Variants in C4BPA observed in about 807,000 individuals in gnomAD.
C4BPA encodes the protein C4b-binding protein alpha chain.
C4BPA carries 31 observed loss-of-function variants against 63.7 expected under a neutral mutation model. The observed-to-expected ratio is 0.49, with a 90% confidence interval of 0.37 to 0.66. The LOEUF is 0.66. C4BPA is among the 30% of genes least tolerant of loss of function. The pLI is 0.00. For synonymous variants in C4BPA, 259 were observed against 254.7 expected (o/e 1.02, Z -0.16); for missense variants, 572 against 723.3 (o/e 0.79, Z 2.40).
At chr1:207,123,353 T>C (rs1028857968) in intron 4 of C4BPA, among the ~76,000 whole-genome samples, 12 of 152,250 alleles carry the variant, frequency 7.9e-5, no homozygotes, top group African/African-American at 2.7e-4. Context: ...TACAATTTGA[T>C]ATCATTGATG....
Position 207,113,326 on chromosome 1 carries a change from T to A in C4BPA, c.142+159T>A, listed in dbSNP as rs74633105. On this transcript the variant is annotated intron_variant, in intron 2 of 11. Transcript: ENST00000367070. Reference sequence around the variant, plus strand: ...CAGGCTAGAACTTAGGGAAATTTGCTTTACACATAAAGGAAATAGTGTTAT... The same window carrying A: ...CAGGCTAGAACTTAGGGAAATTTGCATTACACATAAAGGAAATAGTGTTAT... 8.8e-3 allele frequency among the ~76,000 whole-genome samples: 1,339 copies of A among 152,334 alleles called. 8 individuals are homozygous for A. Among genetic ancestry groups the A allele is most frequent in the African/African-American group, 0.023 (962 of 41,570 alleles).
intron 1 of C4BPA, 55 bp from the exon 2 acceptor site, chr1:207,112,946 C>CT: frequency 6.8e-7 from 1 of 1,463,292 alleles, no homozygotes; most frequent in Non-Finnish European, 9.1e-7. Flanking sequence ...TATTCTAGTG[C>CT]TTTATGACAA....
rs1012607185 is a variant in C4BPA, at chr1:207,114,293, T to C, written c.328+8T>C. The C allele has an allele frequency of 1.9e-6, 3 of 1,583,152 alleles. No homozygotes were observed. Among genetic ancestry groups the C allele is most frequent in the African/African-American group, 2.7e-5 (2 of 73,358 alleles). On this transcript the variant is annotated splice_region_variant and intron_variant, in intron 3 of 11. Transcript: ENST00000367070. ...ATAACACCTTCTGTATCTGTAAGTATCAACATTTATTTTTTTCCTTTGCTT... is the reference window on the plus strand; with the variant it reads ...ATAACACCTTCTGTATCTGTAAGTACCAACATTTATTTTTTTCCTTTGCTT...
chr1:207,107,286 G>A (rs562619181), intron 1 of C4BPA, among the ~76,000 whole-genome samples: 6 of 152,280 alleles, frequency 3.9e-5, no homozygotes, highest in Non-Finnish European at 5.9e-5. Context: ...GGTGGCTCAC[G>A]CCTATAATTC....
At chr1:207,104,973 C>A (rs948513419) in intron 1 of C4BPA, among the ~76,000 whole-genome samples, 1 of 152,334 alleles carries the variant, frequency 6.6e-6, no homozygotes, top group Non-Finnish European at 1.5e-5. Flanking sequence ...AGCTAGCAGT[C>A]TTAGTCGTCC....
intron 4 of C4BPA, among the ~76,000 whole-genome samples, chr1:207,118,181 C>A (rs1000126453): frequency 9.8e-5 from 14 of 142,878 alleles, no homozygotes; most frequent in Admixed American, 5.7e-4. Flanking sequence ...CTATCTATAT[C>A]TATCTATCTA....
chr1:207,116,175 C>A (rs1310376532), intron 4 of C4BPA, among the ~76,000 whole-genome samples: 1 of 152,198 alleles, frequency 6.6e-6, no homozygotes, highest in Non-Finnish European at 1.5e-5. Flanking sequence ...AACTCTCCAA[C>A]TGTGTTGTCA....
rs1572785842 is a variant in C4BPA, at chr1:207,124,188, G to C, written c.528G>C (p.Lys176Asn). ...PLPQCEIVKC[K>N]PPPDIRNGRH... is the part of the protein sequence containing the mutation. ...CACTTACCTCAGTTGTCAAGTGTAAGCCTCCTCCAGACATCAGGAATGGAA... is the reference window on the plus strand; with the variant it reads ...CACTTACCTCAGTTGTCAAGTGTAACCCTCCTCCAGACATCAGGAATGGAA... Residue 176 changes from lysine to asparagine, a missense_variant, in exon 6 of 12, where the codon AAG becomes AAC. Physicochemically the swap from Lys to Asn is moderately conservative, Grantham distance 94. Transcript: ENST00000367070. The C allele has an allele frequency of 7.4e-6, 12 of 1,613,642 alleles. No individual in the cohort carries two copies. In the East Asian group the frequency reaches 2.7e-4, roughly 36 times the overall value.
rs149182264 is a variant in C4BPA at position 207,131,693 on chromosome 1, T to C, written c.1037T>C (p.Val346Ala). The C allele has an allele frequency of 2.5e-5, 40 of 1,613,530 alleles. No individual in the cohort carries two copies. Among genetic ancestry groups the C allele is most frequent in the Non-Finnish European group, 3.3e-5 (39 of 1,179,830 alleles). The change falls in exon 8 of 12, where the codon GTG (valine) becomes GCG (alanine). Residue 346 changes from valine to alanine, a missense_variant. Physicochemically the swap from Val to Ala is moderately conservative, Grantham distance 64. Coordinates refer to ENST00000367070, the MANE Select transcript of C4BPA (RefSeq NM_000715.4). ...CCCACTACAGATGAGCCTACGACTG[T>C]GATTTGTCAGAAAAATTTGAGATGG... ...YKPTTDEPTT[V>A]ICQKNLRWTP... is the part of the protein sequence containing the mutation.
rs1361827362 is a variant in C4BPA, at chr1:207,113,072, A to G, written c.47A>G (p.Lys16Arg). 6.2e-7 allele frequency: 1 copy of G among 1,609,858 alleles called. No individual in the cohort carries two copies. Among genetic ancestry groups the G allele is most frequent in the Non-Finnish European group, 8.5e-7 (1 of 1,178,516 alleles). ...TCTGGGGCTCTTCATAGAAAAAGGA[A>G]AATGGCAGCCTGGCCCTTCTCCAGG... ...TPSGALHRKR[K>R]MAAWPFSRLW... The change falls in exon 2 of 12, where the codon AAA (lysine) becomes AGA (arginine). Residue 16 changes from lysine to arginine, a missense_variant. Physicochemically the swap from Lys to Arg is conservative, Grantham distance 26. This residue lies in a region of C4BPA where 107 missense variants were observed against 93.9 expected (regional missense o/e 1.14). Transcript: ENST00000367070.
At chr1:207,128,459 C>A (rs1176785537) in intron 7 of C4BPA, among the ~76,000 whole-genome samples, 1 of 152,208 alleles carries the variant, frequency 6.6e-6, no homozygotes, top group Admixed American at 6.5e-5. Flanking sequence ...AAACACTCTG[C>A]CCCTTTCAAG....
chr1:207,109,070 C>T (rs536692103), intron 1 of C4BPA, among the ~76,000 whole-genome samples: 1 of 152,222 alleles, frequency 6.6e-6, no homozygotes, highest in African/African-American at 2.4e-5. Flanking sequence ...GGATGACTTC[C>T]TTTCAGGAAG....
In C4BPA at chr1:207,144,567, A is replaced by G; in HGVS notation, c.1644A>G (p.Gln548=). 1 of 1,612,004 alleles carries G rather than the reference A, an allele frequency of 6.2e-7. No individual in the cohort carries two copies. Among genetic ancestry groups the G allele is most frequent in the Non-Finnish European group, 8.5e-7 (1 of 1,179,432 alleles). ...CEWETPEGCE[Q]VLTGKRLMQC... is the part of the protein sequence containing the mutation. ...AGGAGACCCCCGAAGGCTGTGAACA[A>G]GTGCTCACAGGCAAAAGACTCATGC... The change falls in exon 12 of 12, where the codon CAA becomes CAG. Residue 548 remains glutamine, a synonymous_variant. Coordinates refer to ENST00000367070, the MANE Select transcript of C4BPA (RefSeq NM_000715.4).
intron 10 of C4BPA, 93 bp from the exon 11 acceptor site, chr1:207,143,725 G>A: frequency 1.2e-6 from 1 of 854,562 alleles, no homozygotes; most frequent in South Asian, 1.6e-5. Context: ...ACAATTAGCA[G>A]AACTAAATAC....
At chr1:207,115,323 G>A (rs1467135870) in intron 3 of C4BPA, 93 bp from the exon 4 acceptor site, 2 of 659,178 alleles carry the variant, frequency 3.0e-6, no homozygotes, top group Admixed American at 6.5e-5. Context: ...GTTTCTGGAA[G>A]CAGAGGTGAA....
intron 4 of C4BPA, among the ~76,000 whole-genome samples, chr1:207,116,924 T>C (rs1684805524): frequency 6.6e-6 from 1 of 152,170 alleles, no homozygotes; most frequent in African/African-American, 2.4e-5. Context: ...CATATACTTA[T>C]CTAGGTCTAT....
At chr1:207,105,579 A>G (rs1300078537) in intron 1 of C4BPA, among the ~76,000 whole-genome samples, 2 of 151,736 alleles carry the variant, frequency 1.3e-5, no homozygotes, top group East Asian at 1.9e-4. Flanking sequence ...AAAAAGAAAA[A>G]AAAAAGAGAT....
rs376071191 is a variant in C4BPA at position 207,124,011 on chromosome 1, A to G, written c.514+4A>G. On this transcript the variant is annotated splice_donor_region_variant and intron_variant, in intron 5 of 11. Coordinates refer to ENST00000367070, the MANE Select transcript of C4BPA (RefSeq NM_000715.4). ...CATCCTCTCCCACAATGTGAAAGTA[A>G]GTAAAGACTCTTCTGACTTGACTAT... The G allele has an allele frequency of 2.5e-6, 4 of 1,598,836 alleles. No homozygotes were observed. Among genetic ancestry groups the G allele is most frequent in the Non-Finnish European group, 3.4e-6 (4 of 1,167,196 alleles).
Position 207,123,292 on chromosome 1 carries a change from G to A in C4BPA, c.429-630G>A, listed in dbSNP as rs115361586. Reference sequence around the variant, plus strand: ...CACAGGCTCTTAGATTGCTGAAGGTGACATTTGCTTTAGTGTTCTATCACA... The same window carrying A: ...CACAGGCTCTTAGATTGCTGAAGGTAACATTTGCTTTAGTGTTCTATCACA... On this transcript the variant is annotated intron_variant, in intron 4 of 11. Transcript: ENST00000367070. Among the ~76,000 whole-genome samples, 448 of 152,304 alleles carry A rather than the reference G, an allele frequency of 2.9e-3. 3 individuals are homozygous for A. Among genetic ancestry groups the A allele is most frequent in the African/African-American group, 0.01 (427 of 41,562 alleles).
Sources: gnomAD v4.1 joint callset for allele counts (sites outside exome capture counted in the v4.1 genomes callset) on GRCh38, gnomAD v4.1.1 for gene constraint, gnomAD v4.1.1 regional missense constraint, MANE v1.5 for transcripts, NCBI Gene and HGNC (gene_info 2026-07-23, HGNC 2026-07-21) for gene names.